KRIT1: variants seen among roughly 807,000 people sequenced by gnomAD.
The protein encoded by KRIT1 is krev interaction trapped protein 1.
In KRIT1, 45 loss-of-function variants were observed where a neutral mutation model predicts 95.8. That is an observed-to-expected ratio of 0.47 (90% CI 0.37 to 0.60). The LOEUF (loss-of-function observed/expected upper bound fraction) is 0.60, where lower values mean the gene tolerates loss of function less well. Among genes scored for constraint, KRIT1 ranks in the 20% least tolerant of loss-of-function variants. KRIT1 has a pLI of 0.00. For missense variants in KRIT1, 788 were observed against 877.5 expected, an observed-to-expected ratio of 0.90 and a Z score of 1.29; for synonymous variants, 282 against 278.8, an observed-to-expected ratio of 1.01 and a Z score of -0.11.
intron 17 of KRIT1, among the ~76,000 whole-genome samples, chr7:92,210,074 A>AAATC (rs895472236): frequency 3.3e-5 from 5 of 152,316 alleles, no homozygotes; most frequent in African/African-American, 9.6e-5. Flanking sequence ...CTCTATCTCA[A>AAATC]AATCAATCAA....
At position 92,235,656 on chromosome 7, in the gene KRIT1, T is replaced by C. The variant is rs1348833729; in HGVS notation, c.486-10A>G. ...ACGTTCATCTAACCACCTGGCAAAATAAAAAAACAGGTAGAAGTAGCCATT... is the reference window on the plus strand; with the variant it reads ...ACGTTCATCTAACCACCTGGCAAAACAAAAAAACAGGTAGAAGTAGCCATT... On this transcript the variant is annotated splice_polypyrimidine_tract_variant and intron_variant, in intron 7 of 18. Transcript: ENST00000394505. 1 of 1,613,096 alleles carries C rather than the reference T, an allele frequency of 6.2e-7. No homozygotes were observed. Among genetic ancestry groups the C allele is most frequent in the Non-Finnish European group, 8.5e-7 (1 of 1,179,684 alleles).
At chr7:92,211,305 C>T (rs1333806165) in intron 17 of KRIT1, among the ~76,000 whole-genome samples, 3 of 151,990 alleles carry the variant, frequency 2.0e-5, no homozygotes, top group Non-Finnish European at 4.4e-5. Context: ...ATAAAGAAAA[C>T]GTGGTATATA....
chr7:92,224,379 C>T (rs1254575831), intron 12 of KRIT1, among the ~76,000 whole-genome samples: 1 of 151,842 alleles, frequency 6.6e-6, no homozygotes, highest in Admixed American at 6.6e-5. Context: ...GGAGGACGGC[C>T]TAAGCCTAGA....
chr7:92,241,118 TTC>T lies in KRIT1; in HGVS notation c.135_136del (p.Lys48GlufsTer15). ...CAATAAAACTTTCTTTCTCTTTTTT[TTC>T]TGTCCTTCAATGGGAACTTCATGCA... On this transcript the variant is annotated frameshift_variant, in exon 5 of 19. Transcript: ENST00000394505. LOFTEE classifies it high-confidence loss of function. 6.2e-7 allele frequency: 1 copy of T among 1,611,520 alleles called. No homozygotes were observed. The highest frequency in any genetic ancestry group is 8.5e-7 in the Non-Finnish European group (1 of 1,177,710).
At chr7:92,211,464 T>C (rs1584781302) in intron 17 of KRIT1, among the ~76,000 whole-genome samples, 2 of 152,192 alleles carry the variant, frequency 1.3e-5, no homozygotes, top group Admixed American at 6.5e-5. Flanking sequence ...GAGACGTTGA[T>C]GTCAAGGAGG....
chr7:92,204,193 T>G (rs1448925334), intron 17 of KRIT1: 1 of 151,432 alleles, frequency 6.6e-6, no homozygotes, highest in African/African-American at 2.4e-5. Context: ...CCTAGGAGTT[T>G]GCAGCTGCAC....
intron 3 of KRIT1, among the ~76,000 whole-genome samples, chr7:92,243,241 T>C (rs1265203218): frequency 1.3e-5 from 2 of 152,190 alleles, no homozygotes; most frequent in African/African-American, 4.8e-5. Context: ...AGTGACTGAA[T>C]TTCAACCACA....
intron 12 of KRIT1, among the ~76,000 whole-genome samples, chr7:92,224,751 T>C (rs1795875907): frequency 6.6e-6 from 1 of 152,194 alleles, no homozygotes; most frequent in South Asian, 2.1e-4. Flanking sequence ...ATGAGTCTGT[T>C]ATATATAAAC....
At chr7:92,233,119 A>G (rs1481874574) in intron 10 of KRIT1, among the ~76,000 whole-genome samples, 2 of 152,014 alleles carry the variant, frequency 1.3e-5, no homozygotes, top group Admixed American at 6.6e-5. Flanking sequence ...AATAAGAAAT[A>G]TAAGAGCATA....
intron 14 of KRIT1, among the ~76,000 whole-genome samples, chr7:92,220,601 T>C (rs555472237): frequency 1.3e-5 from 2 of 152,272 alleles, no homozygotes; most frequent in African/African-American, 2.4e-5. Context: ...TTCACTAACA[T>C]TGTAAGACTG....
intron 16 of KRIT1, 113 bp from the exon 17 acceptor site, chr7:92,213,514 A>C: frequency 1.4e-6 from 1 of 708,802 alleles, no homozygotes; most frequent in Non-Finnish European, 2.4e-6. Context: ...GCCCCTAAAG[A>C]ATAAAATTAT....
At chr7:92,240,084 T>C (rs529643252) in intron 5 of KRIT1, among the ~76,000 whole-genome samples, 1 of 152,254 alleles carries the variant, frequency 6.6e-6, no homozygotes, top group African/African-American at 2.4e-5. Flanking sequence ...CTTCAGGCTC[T>C]ATTAGGGGAA....
intron 14 of KRIT1, among the ~76,000 whole-genome samples, chr7:92,219,830 G>A (rs1030210590): frequency 2.6e-5 from 4 of 152,166 alleles, no homozygotes; most frequent in African/African-American, 9.6e-5. Flanking sequence ...AGTTTTCAGT[G>A]TACAAGTCTT....
At chr7:92,206,625 A>C (rs1198264882) in intron 17 of KRIT1, 1 of 152,248 alleles carries the variant, frequency 6.6e-6, no homozygotes, top group Non-Finnish European at 1.5e-5. Flanking sequence ...AAGAAGTGAC[A>C]TCAGATGTAC....
At chr7:92,229,413 A>C (rs995079147) in intron 10 of KRIT1, among the ~76,000 whole-genome samples, 1 of 152,240 alleles carries the variant, frequency 6.6e-6, no homozygotes, top group Non-Finnish European at 1.5e-5. Flanking sequence ...CAGAAGTCTA[A>C]TATCCAGCAC....
At position 92,241,886 on chromosome 7, in the gene KRIT1, T is replaced by C. The variant is rs541604579; in HGVS notation, c.102+148A>G. On this transcript the variant is annotated intron_variant, in intron 4 of 18. Transcript: ENST00000394505. ...AAACAGCAAATGGTCAAAAGGCACG[T>C]GGCAGAAAAAAGACAAAATAATGGG... is the stretch of plus-strand genomic sequence containing the variant. 33 of 580,364 alleles carry C rather than the reference T, an allele frequency of 5.7e-5. No individual in the cohort carries two copies. In the Admixed American group the frequency reaches 5.7e-4, roughly 10 times the overall value. 36.0% of individuals were successfully genotyped at this position (580,364 alleles called of 1,614,324 possible).
chr7:92,210,956 G>A (rs1486488009), intron 17 of KRIT1, among the ~76,000 whole-genome samples: 4 of 152,120 alleles, frequency 2.6e-5, no homozygotes, highest in Non-Finnish European at 4.4e-5. Context: ...CATCAGGGAA[G>A]TTCAAGTCAA....
At chr7:92,215,417 T>C (rs1031595629) in intron 14 of KRIT1, among the ~76,000 whole-genome samples, 3 of 152,216 alleles carry the variant, frequency 2.0e-5, no homozygotes, top group African/African-American at 7.2e-5. Context: ...ATTTTAAATT[T>C]TGACTAAAAA....
intron 3 of KRIT1, among the ~76,000 whole-genome samples, chr7:92,242,466 C>CA (rs949047075): frequency 6.7e-6 from 1 of 150,308 alleles, no homozygotes; most frequent in Non-Finnish European, 1.5e-5. Flanking sequence ...CCTTTGGGGC[C>CA]AAAAAAAAGT....
Sources: allele counts gnomAD v4.1 joint callset (sites outside exome capture counted in the v4.1 genomes callset), GRCh38; gene constraint gnomAD v4.1.1; transcripts MANE v1.5; gene names NCBI Gene and HGNC (gene_info 2026-07-23, HGNC 2026-07-21).